Variants in CNTNAP4 observed in about 807,000 individuals in gnomAD.
CNTNAP4 encodes the protein contactin associated protein family member 4, also known as contactin-associated protein-like 4.
CNTNAP4 carries 98 observed loss-of-function variants against 148.4 expected under a neutral mutation model. The observed-to-expected ratio is 0.66, with a 90% confidence interval of 0.56 to 0.78. The LOEUF is 0.78. Ranked by LOEUF, CNTNAP4 falls within the 30% of genes least tolerant of loss-of-function variation. CNTNAP4 has a pLI of 0.00. For synonymous variants in CNTNAP4, 730 were observed against 565.1 expected (o/e 1.29, Z -4.14); for missense variants, 1,935 against 1,565.6 (o/e 1.24, Z -3.98).
At chr16:76,460,199 C>T (rs2080888658) in intron 8 of CNTNAP4, among the ~76,000 whole-genome samples, 1 of 152,002 alleles carries the variant, frequency 6.6e-6, no homozygotes, top group South Asian at 2.1e-4. Flanking sequence ...CCTTTGCCTC[C>T]CAGGTTCGAG....
chr16:76,289,151 C>G (rs1166823036), intron 1 of CNTNAP4, among the ~76,000 whole-genome samples: 1 of 152,042 alleles, frequency 6.6e-6, no homozygotes, highest in Non-Finnish European at 1.5e-5. Context: ...AATAGACAAA[C>G]AAAAGATACA....
chr16:76,403,821 A>T (rs768924030), intron 3 of CNTNAP4, among the ~76,000 whole-genome samples: 1 of 152,250 alleles, frequency 6.6e-6, no homozygotes, highest in Non-Finnish European at 1.5e-5. Context: ...GACAGACTGG[A>T]TAAAGAAAAT....
intron 3 of CNTNAP4, among the ~76,000 whole-genome samples, chr16:76,410,440 G>C (rs973398040): frequency 6.6e-6 from 1 of 151,664 alleles, no homozygotes; most frequent in Non-Finnish European, 1.5e-5. Context: ...ATGGGTATGT[G>C]AGCCATTTAC....
intron 3 of CNTNAP4, among the ~76,000 whole-genome samples, chr16:76,381,855 TC>T (rs1258584046): frequency 6.6e-6 from 1 of 151,988 alleles, no homozygotes; most frequent in Non-Finnish European, 1.5e-5. Context: ...GATCAGGAGA[TC>T]GAGACCATCC....
At chr16:76,321,606 G>T (rs975511105) in intron 2 of CNTNAP4, among the ~76,000 whole-genome samples, 2 of 151,812 alleles carry the variant, frequency 1.3e-5, no homozygotes, top group Non-Finnish European at 2.9e-5. Context: ...TGGCTAACAT[G>T]GTGAAACCCC....
chr16:76,292,973 A>G (rs1409997008), intron 1 of CNTNAP4, among the ~76,000 whole-genome samples: 2 of 152,118 alleles, frequency 1.3e-5, no homozygotes, highest in African/African-American at 4.8e-5. Flanking sequence ...AGTGCTACTG[A>G]TTAATTCCAG....
chr16:76,363,475 C>T (rs975406721), intron 3 of CNTNAP4, among the ~76,000 whole-genome samples: 3 of 151,810 alleles, frequency 2.0e-5, no homozygotes, highest in Non-Finnish European at 2.9e-5. Context: ...ACCCTTATAC[C>T]GTATGCAAAA....
intron 2 of CNTNAP4, among the ~76,000 whole-genome samples, chr16:76,332,575 T>C (rs1015912369): frequency 3.3e-5 from 5 of 152,118 alleles, no homozygotes; most frequent in Non-Finnish European, 1.5e-5. Flanking sequence ...CTATTTTTAT[T>C]GATACATAAT....
At position 76,541,157 on chromosome 16, in the gene CNTNAP4, A is replaced by G. The variant is rs543837707; in HGVS notation, c.3442+367A>G. On this transcript the variant is annotated intron_variant, in intron 21 of 23. Transcript: ENST00000611870. ...CAAACTTTCCTCTAATGATAAAACT[A>G]AGATTAGATTTAAAAAATGGAAGAA... Among the ~76,000 whole-genome samples, 11 of 152,356 alleles carry G rather than the reference A, an allele frequency of 7.2e-5. No individual in the cohort carries two copies. In the East Asian group the frequency reaches 9.6e-4, roughly 13 times the overall value.
At chr16:76,313,603 G>A (rs1961383238) in intron 1 of CNTNAP4, among the ~76,000 whole-genome samples, 1 of 152,138 alleles carries the variant, frequency 6.6e-6, no homozygotes, top group South Asian at 2.1e-4. Context: ...CTAGTCAGTA[G>A]ACATGCAGGA....
rs1018474951 is a variant in CNTNAP4, at chr16:76,522,735, T to C, written c.2755+478T>C. ...TCTTTTCTTTTCTTTTCTTTTCTTTTCTTTTCTTTTCTTTTCTTTTCTTTT... is the reference window on the plus strand; with the variant it reads ...TCTTTTCTTTTCTTTTCTTTTCTTTCCTTTTCTTTTCTTTTCTTTTCTTTT... On this transcript the variant is annotated intron_variant, in intron 17 of 23. Coordinates refer to ENST00000611870, the MANE Select transcript of CNTNAP4 (RefSeq NM_033401.5). Among the ~76,000 whole-genome samples, 169 of 95,516 alleles carry C rather than the reference T, an allele frequency of 1.8e-3. 5 individuals are homozygous for C. Among genetic ancestry groups the C allele is most frequent in the African/African-American group, 3.2e-3 (68 of 21,256 alleles). 62.7% of individuals were successfully genotyped at this position (95,516 alleles called of 152,430 possible).
chr16:76,467,623 C>T, intron 10 of CNTNAP4, 100 bp downstream of exon 10: 2 of 959,616 alleles, frequency 2.1e-6, no homozygotes, highest in Non-Finnish European at 3.1e-6. Context: ...CTTCCCCATT[C>T]TTATCTGTTC....
chr16:76,469,488 G>T (rs56324038), intron 10 of CNTNAP4: 53,162 of 152,066 alleles, frequency 0.35, 10,321 homozygotes, highest in Non-Finnish European at 0.42. Flanking sequence ...AGGGAAACTG[G>T]CAGGGAGAGG....
rs764763387 is a variant in CNTNAP4 at position 76,521,172 on chromosome 16, G to A, written c.2398G>A (p.Glu800Lys). The A allele has an allele frequency of 1.1e-5, 17 of 1,601,426 alleles. No individual in the cohort carries two copies. The highest frequency in any genetic ancestry group is 1.0e-4 in the South Asian group (9 of 88,136). ...TTGGAATTCAGCTTCCTTTGATACC[G>A]AGGCTTCATATCTTCATTTTCCTAC... The part of the protein sequence containing the change: ...SFWNSASFDT[E>K]ASYLHFPTFH... The change falls in exon 16 of 24, where the codon GAG (glutamate) becomes AAG (lysine). Residue 800 changes from glutamate to lysine, a missense_variant. Coordinates refer to ENST00000611870, the MANE Select transcript of CNTNAP4 (RefSeq NM_033401.5).
At chr16:76,484,226 A>AATTGTTTAGTCTTAACTACAATT (rs2081942350) in intron 12 of CNTNAP4, among the ~76,000 whole-genome samples, 1 of 124,470 alleles carries the variant, frequency 8.0e-6, no homozygotes, top group Non-Finnish European at 1.6e-5. Flanking sequence ...AGGAGCTTAG[A>AATTGTTTAGTCTTAACTACAATT]TTTTGAAATG....
In CNTNAP4 at chr16:76,322,880, G is replaced by A. The variant is rs771195182; in HGVS notation, c.196+6357G>A. 1.8e-4 allele frequency among the ~76,000 whole-genome samples: 27 copies of A among 149,448 alleles called. 1 individual carries two copies. Among genetic ancestry groups the A allele is most frequent in the Admixed American group, 5.3e-4 (8 of 14,970 alleles). On this transcript the variant is annotated intron_variant, in intron 2 of 23. Transcript: ENST00000611870. ...GAGACAGTCTTACTTTGTCACCTACGCTACAGTGCAGTGGCACAATCCCAG... is the reference window on the plus strand; with the variant it reads ...GAGACAGTCTTACTTTGTCACCTACACTACAGTGCAGTGGCACAATCCCAG...
intron 15 of CNTNAP4, among the ~76,000 whole-genome samples, chr16:76,503,844 A>G (rs2082740971): frequency 6.6e-6 from 1 of 152,174 alleles, no homozygotes; most frequent in East Asian, 1.9e-4. Context: ...TTGTATTTCT[A>G]TATGCTAATG....
chr16:76,309,722 C>T, intron 1 of CNTNAP4: 1 of 606,690 alleles, frequency 1.6e-6, no homozygotes, highest in Non-Finnish European at 3.0e-6. Flanking sequence ...GACAGGGACC[C>T]AGGTGGAGGT....
intron 3 of CNTNAP4, among the ~76,000 whole-genome samples, chr16:76,413,609 T>C (rs2078877064): frequency 6.6e-6 from 1 of 150,978 alleles, no homozygotes; most frequent in Non-Finnish European, 1.5e-5. Context: ...AGTATCTTGG[T>C]GATTTCCATT....
Sources: gnomAD v4.1 joint callset for allele counts (sites outside exome capture counted in the v4.1 genomes callset) on GRCh38, gnomAD v4.1.1 for gene constraint, MANE v1.5 for transcripts, NCBI Gene and HGNC (gene_info 2026-07-23, HGNC 2026-07-21) for gene names.